Variants in OCA2 observed in about 807,000 individuals in gnomAD.
OCA2 encodes P protein.
A neutral mutation model predicts 100.2 loss-of-function variants in OCA2; 77 were observed. That is an observed-to-expected ratio of 0.77 (90% CI 0.64 to 0.93). The LOEUF (loss-of-function observed/expected upper bound fraction) is 0.93. OCA2 is among the 40% of genes least tolerant of loss of function. The pLI is 0.00. For missense variants in OCA2, 1,062 were observed against 1,089.1 expected (o/e 0.98, Z 0.35); for synonymous variants, 432 against 439.2 (o/e 0.98, Z 0.21).
At chr15:27,841,187 G>A (rs4778195) in intron 23 of OCA2, among the ~76,000 whole-genome samples, 10 of 152,190 alleles carry the variant, frequency 6.6e-5, no homozygotes, top group Admixed American at 5.2e-4. Context: ...CAATGATGCC[G>A]AGTGAAAACA....
At position 27,798,052 on chromosome 15, in the gene OCA2, G is replaced by C. The variant is rs1318445096; in HGVS notation, c.2433-42580C>G. On this transcript the variant is annotated intron_variant, in intron 23 of 23. Coordinates refer to ENST00000354638, the MANE Select transcript of OCA2 (RefSeq NM_000275.3). ...CCAGGGTGTGCAGGGTGGGCAAGAGGGTTACGTGTGACATGCCGTCGCTAG... is the reference window on the plus strand; with the variant it reads ...CCAGGGTGTGCAGGGTGGGCAAGAGCGTTACGTGTGACATGCCGTCGCTAG... Among the ~76,000 whole-genome samples the C allele has an allele frequency of 2.0e-5, 3 of 152,222 alleles. No individual in the cohort carries two copies. The South Asian group carries it at 6.2e-4, about 32-fold the overall frequency.
At chr15:28,003,907 G>A (rs1435523210) in intron 9 of OCA2, among the ~76,000 whole-genome samples, 1 of 152,218 alleles carries the variant, frequency 6.6e-6, no homozygotes, top group African/African-American at 2.4e-5. Context: ...CGCCCCGAGC[G>A]GGGAAAGGTG....
At chr15:27,741,113 G>A in the OCA2 span, among the ~76,000 whole-genome samples, 2 of 152,132 alleles carry the variant, frequency 1.3e-5, no homozygotes, top group African/African-American at 2.4e-5. Context: ...TGCTTACGGC[G>A]GAGGCCTCTA....
At chr15:27,836,279 T>C (rs1205296071) in intron 23 of OCA2, among the ~76,000 whole-genome samples, 1 of 152,248 alleles carries the variant, frequency 6.6e-6, no homozygotes, top group Admixed American at 6.5e-5. Context: ...TGAGTGGCTT[T>C]AAGTTTTCCT....
At chr15:28,055,815 C>T (rs111933271) in intron 2 of OCA2, among the ~76,000 whole-genome samples, 38 of 152,324 alleles carry the variant, frequency 2.5e-4, no homozygotes, top group African/African-American at 8.9e-4. Flanking sequence ...GCCATCCTCA[C>T]GGTGCAGCAG....
At chr15:28,080,543 G>C (rs2044586488) in intron 2 of OCA2, among the ~76,000 whole-genome samples, 1 of 152,254 alleles carries the variant, frequency 6.6e-6, no homozygotes, top group Admixed American at 6.5e-5. Context: ...AGCATAGACT[G>C]TAAGTCAATA....
intron 8 of OCA2, among the ~76,000 whole-genome samples, chr15:28,015,378 A>G (rs1320654786): frequency 6.6e-6 from 1 of 152,230 alleles, no homozygotes; most frequent in Non-Finnish European, 1.5e-5. Context: ...TTTCAAGTTC[A>G]GGCCAATATG....
chr15:27,876,278 A>C (rs918128864), intron 19 of OCA2, among the ~76,000 whole-genome samples: 15 of 152,084 alleles, frequency 9.9e-5, no homozygotes, highest in African/African-American at 3.1e-4. Context: ...TAATTATTGA[A>C]TGTTAAATCA....
At chr15:27,827,186 C>T (rs1455476354) in intron 23 of OCA2, among the ~76,000 whole-genome samples, 3 of 152,224 alleles carry the variant, frequency 2.0e-5, no homozygotes, top group Admixed American at 2.0e-4. Context: ...AGGAAGCCGG[C>T]ACATCTGACA....
At chr15:27,960,732 G>A (rs904521474) in intron 15 of OCA2, among the ~76,000 whole-genome samples, 3 of 151,862 alleles carry the variant, frequency 2.0e-5, no homozygotes, top group African/African-American at 4.8e-5. Flanking sequence ...GTGAAACTCT[G>A]ACTCTACTAA....
chr15:27,915,837 A>G (rs1816973), intron 19 of OCA2, among the ~76,000 whole-genome samples: 8,243 of 152,236 alleles, frequency 0.054, 767 homozygotes, highest in African/African-American at 0.19. Context: ...CACCAATCTC[A>G]TTACTGTATA....
chr15:27,918,328 C>T (rs1049413011), intron 19 of OCA2, among the ~76,000 whole-genome samples: 3 of 152,046 alleles, frequency 2.0e-5, no homozygotes, highest in African/African-American at 7.2e-5. Flanking sequence ...CCTCGGCCTC[C>T]CAAAGTGCTG....
chr15:28,069,902 A>C, intron 2 of OCA2, among the ~76,000 whole-genome samples: 1 of 117,518 alleles, frequency 8.5e-6, no homozygotes, highest in Non-Finnish European at 1.6e-5. Flanking sequence ...CTGGCTGCCC[A>C]GTCTGGAAAG....
intron 23 of OCA2, among the ~76,000 whole-genome samples, chr15:27,824,825 C>T (rs1178280364): frequency 3.3e-5 from 5 of 151,484 alleles, no homozygotes; most frequent in Admixed American, 1.3e-4. Context: ...GGTGCTGTTC[C>T]CCGTCCCTCT....
chr15:28,064,635 T>C lies in OCA2; in HGVS notation c.227+17013A>G, dbSNP rs559305669. ...GCTGATTTCTTTTTTATAATTTCTA[T>C]CTCTTTGTTGATAGACTCATTTTGT... is the stretch of plus-strand genomic sequence containing the variant. On this transcript the variant is annotated intron_variant, in intron 2 of 23. Transcript: ENST00000354638. Among the ~76,000 whole-genome samples the C allele has an allele frequency of 3.3e-5, 5 of 152,224 alleles. No individual in the cohort carries two copies. The South Asian group carries it at 1.0e-3, about 32-fold the overall frequency.
At chr15:28,070,266 T>G (rs1161758447) in intron 2 of OCA2, among the ~76,000 whole-genome samples, 1 of 137,400 alleles carries the variant, frequency 7.3e-6, no homozygotes, top group Admixed American at 6.9e-5. Context: ...ATCTGGGAAG[T>G]GAGGAGCGTC....
In OCA2 at chr15:27,754,930, A is replaced by G. The variant is rs1411978555; in HGVS notation, c.*458T>C. 9.8e-6 allele frequency: 2 copies of G among 204,298 alleles called. No individual in the cohort carries two copies. Among genetic ancestry groups the G allele is most frequent in the African/African-American group, 4.5e-5 (2 of 44,104 alleles). The allele number at this position is 204,298 out of a possible 1,614,324, so 12.7% of individuals were successfully genotyped here. ...TAAAATGTTTCCTTACGAGCAGTAA[A>G]CCTTTTCCCAGAAAGTCTATATTCA... On this transcript the variant is annotated 3_prime_UTR_variant, in exon 24 of 24. Transcript: ENST00000354638.
chr15:27,943,887 T>C (rs1386532734), intron 18 of OCA2, among the ~76,000 whole-genome samples: 1 of 152,114 alleles, frequency 6.6e-6, no homozygotes, highest in Non-Finnish European at 1.5e-5. Flanking sequence ...CTTACATGTA[T>C]TGGTGAATAT....
chr15:27,801,896 C>T (rs1215994267), intron 23 of OCA2, among the ~76,000 whole-genome samples: 1 of 152,008 alleles, frequency 6.6e-6, no homozygotes, highest in Non-Finnish European at 1.5e-5. Context: ...AGGAATAAGA[C>T]AAGAGATCCA....
Sources: gnomAD v4.1 joint callset for allele counts (sites outside exome capture counted in the v4.1 genomes callset) on GRCh38, gnomAD v4.1.1 for gene constraint, MANE v1.5 for transcripts, NCBI Gene and HGNC (gene_info 2026-07-23, HGNC 2026-07-21) for gene names.